The following GASK1A variants were observed in gnomAD, a reference collection of about 807,000 sequenced individuals.
The protein encoded by GASK1A is golgi associated kinase 1A.
Under a neutral mutation model 41.2 loss-of-function variants are expected in GASK1A, and 40 were observed. The observed-to-expected ratio is 0.97, with a 90% CI of 0.75 to 1.27. GASK1A has a LOEUF of 1.27. Ranked by LOEUF, GASK1A falls within the 50% of genes most tolerant of loss-of-function variation. The pLI, the probability that GASK1A is intolerant of heterozygous loss-of-function variation, is 0.00. For synonymous variants in GASK1A, 316 were observed against 307.1 expected, an observed-to-expected ratio of 1.03 and a Z score of -0.30; for missense variants, 678 against 745.1, an observed-to-expected ratio of 0.91 and a Z score of 1.05.
chr3:43,052,602 C>T (rs143023118), intron 2 of GASK1A, among the ~76,000 whole-genome samples: 67 of 152,240 alleles, frequency 4.4e-4, no homozygotes, highest in African/African-American at 1.4e-3. Context: ...CAGCCGCCCT[C>T]GCTTCATCTT....
chr3:42,979,508 A>G lies in GASK1A; in HGVS notation c.-135A>G. 1 of 1,016,104 alleles carries G rather than the reference A, an allele frequency of 9.8e-7. No individual in the cohort carries two copies. The highest frequency in any genetic ancestry group is 5.0e-5 in the South Asian group (1 of 20,184). 62.9% of individuals were successfully genotyped at this position (1,016,104 alleles called of 1,614,324 possible). On this transcript the variant is annotated 5_prime_UTR_variant, in exon 1 of 5. Coordinates refer to ENST00000430121, the MANE Select transcript of GASK1A (RefSeq NM_001129908.3). ...AACGTGTGCACCTTCAGTCCGGGAA[A>G]CCCGCCCCAGCCGAGTAGCCGCGCA...
intron 2 of GASK1A, among the ~76,000 whole-genome samples, chr3:43,048,221 G>C (rs1232844678): frequency 1.3e-5 from 2 of 152,166 alleles, no homozygotes; most frequent in African/African-American, 4.8e-5. Context: ...GATAAGATTG[G>C]TGAAGATGCT....
chr3:43,030,410 T>A (rs898005479), intron 1 of GASK1A, among the ~76,000 whole-genome samples: 14 of 152,166 alleles, frequency 9.2e-5, no homozygotes, highest in African/African-American at 3.4e-4. Context: ...ACAGCTCAAG[T>A]GTAGAGTGAG....
intron 1 of GASK1A, among the ~76,000 whole-genome samples, chr3:43,009,781 C>T (rs932782323): frequency 6.6e-6 from 1 of 152,218 alleles, no homozygotes; most frequent in Non-Finnish European, 1.5e-5. Flanking sequence ...TCCAGCATTC[C>T]ATGCTTCACC....
intron 1 of GASK1A, among the ~76,000 whole-genome samples, chr3:42,989,168 A>C (rs2089328031): frequency 6.6e-6 from 1 of 152,016 alleles, no homozygotes; most frequent in African/African-American, 2.4e-5. Flanking sequence ...TAATGTGATA[A>C]CTCTTACTGG....
chr3:43,047,555 G>T (rs1428981118), intron 2 of GASK1A, among the ~76,000 whole-genome samples: 1 of 152,084 alleles, frequency 6.6e-6, no homozygotes, highest in Non-Finnish European at 1.5e-5. Context: ...ATTGCTGTTG[G>T]TCCACTGATT....
At chr3:43,001,450 ATAT>A (rs1457924509) in intron 1 of GASK1A, among the ~76,000 whole-genome samples, 9 of 152,216 alleles carry the variant, frequency 5.9e-5, no homozygotes, top group South Asian at 2.1e-4. Flanking sequence ...AAGGAGCCAG[ATAT>A]TATGAAATAT....
At chr3:43,010,416 A>T (rs2089457851) in intron 1 of GASK1A, among the ~76,000 whole-genome samples, 1 of 152,184 alleles carries the variant, frequency 6.6e-6, no homozygotes, top group Non-Finnish European at 1.5e-5. Context: ...AAACACCATT[A>T]TAGCATTTTA....
At chr3:42,998,874 T>G (rs1187533471) in intron 1 of GASK1A, among the ~76,000 whole-genome samples, 2 of 152,194 alleles carry the variant, frequency 1.3e-5, no homozygotes, top group African/African-American at 4.8e-5. Flanking sequence ...GGAGGGACCC[T>G]CTAATCAGTG....
chr3:42,985,786 A>C (rs1404094313), intron 1 of GASK1A, among the ~76,000 whole-genome samples: 1 of 152,200 alleles, frequency 6.6e-6, no homozygotes, highest in African/African-American at 2.4e-5. Flanking sequence ...AAGGGAAGAA[A>C]GGAGAAGCCA....
chr3:43,018,097 G>A (rs1003158647), intron 1 of GASK1A, among the ~76,000 whole-genome samples: 1 of 152,206 alleles, frequency 6.6e-6, no homozygotes, highest in Admixed American at 6.5e-5. Context: ...GTTGTTGAAT[G>A]AGACAGCAAA....
chr3:43,054,637 A>C (rs745452506), intron 3 of GASK1A, among the ~76,000 whole-genome samples: 2 of 152,208 alleles, frequency 1.3e-5, no homozygotes, highest in African/African-American at 4.8e-5. Flanking sequence ...ATTGTGGGAA[A>C]TGCCCATGGA....
intron 3 of GASK1A, 73 bp downstream of exon 3, chr3:43,053,716 A>G (rs1428089845): frequency 6.6e-7 from 1 of 1,514,358 alleles, no homozygotes; most frequent in African/African-American, 1.4e-5. Flanking sequence ...AGATGCTGTT[A>G]ACAAGTTTCA....
At chr3:42,986,742 G>A (rs2089313121) in intron 1 of GASK1A, among the ~76,000 whole-genome samples, 1 of 152,190 alleles carries the variant, frequency 6.6e-6, no homozygotes, top group Admixed American at 6.5e-5. Context: ...AGATGGGATT[G>A]TGTTTGCATT....
chr3:43,046,965 T>C (rs2089666836), intron 2 of GASK1A, among the ~76,000 whole-genome samples: 1 of 152,224 alleles, frequency 6.6e-6, no homozygotes, highest in Admixed American at 6.5e-5. Context: ...TTCACCTGTA[T>C]TTCAGAGGAT....
intron 2 of GASK1A, among the ~76,000 whole-genome samples, chr3:43,044,839 C>T (rs2089654718): frequency 6.6e-6 from 1 of 152,110 alleles, no homozygotes; most frequent in Non-Finnish European, 1.5e-5. Flanking sequence ...GATGATCACA[C>T]CCAACACGAG....
chr3:42,979,559 C>G lies in GASK1A; in HGVS notation c.-84C>G. 1 of 1,229,680 alleles carries G rather than the reference C, an allele frequency of 8.1e-7. No individual in the cohort carries two copies. Among genetic ancestry groups the G allele is most frequent in the Non-Finnish European group, 1.0e-6 (1 of 981,476 alleles). 76.2% of individuals were successfully genotyped at this position (1,229,680 alleles called of 1,614,324 possible). On this transcript the variant is annotated 5_prime_UTR_variant, in exon 1 of 5. Coordinates refer to ENST00000430121, the MANE Select transcript of GASK1A (RefSeq NM_001129908.3). ...TCCTGGGAAGCCTGGCGAGCCACGG[C>G]GCCGGGGGCGGCCAAGGGGAGGCGG...
chr3:43,009,169 TG>T (rs1363303573), intron 1 of GASK1A, among the ~76,000 whole-genome samples: 1 of 152,172 alleles, frequency 6.6e-6, no homozygotes, highest in African/African-American at 2.4e-5. Context: ...AGGGCAAAGC[TG>T]GGGGGTTGGA....
intron 1 of GASK1A, among the ~76,000 whole-genome samples, chr3:43,027,853 C>A (rs1383759643): frequency 1.3e-5 from 2 of 152,072 alleles, no homozygotes; most frequent in African/African-American, 4.8e-5. Context: ...TATGAGTGAC[C>A]AATGGCCTGT....
Sources: allele counts gnomAD v4.1 joint callset (sites outside exome capture counted in the v4.1 genomes callset), GRCh38; gene constraint gnomAD v4.1.1; transcripts MANE v1.5; gene names NCBI Gene and HGNC (gene_info 2026-07-23, HGNC 2026-07-21).